The following HTRA2 variants were observed in gnomAD, a reference collection of about 807,000 sequenced individuals.
HTRA2 encodes serine protease HTRA2, mitochondrial.
Under a neutral mutation model 42.2 loss-of-function variants are expected in HTRA2, and 24 were observed. The observed-to-expected ratio is 0.57, with a 90% CI of 0.41 to 0.80. The LOEUF (loss-of-function observed/expected upper bound fraction) is 0.80. HTRA2 is among the 30% of genes least tolerant of loss of function. HTRA2 has a pLI of 0.00. For missense variants in HTRA2, 466 were observed against 613.5 expected, an observed-to-expected ratio of 0.76 and a Z score of 2.54; for synonymous variants, 245 against 255.8, an observed-to-expected ratio of 0.96 and a Z score of 0.40.
rs199735424 is a variant in HTRA2 at position 74,530,360 on chromosome 2, G to C, written c.354G>C (p.Leu118=). ...CGCTGGGCGCTGGGGGGGCAGTGCTGTTGTTGTTGTGGGGCGGGGGTCGGG... is the reference window on the plus strand; with the variant it reads ...CGCTGGGCGCTGGGGGGGCAGTGCTCTTGTTGTTGTGGGGCGGGGGTCGGG... The part of the protein sequence containing the change: ...AVALGAGGAV[L]LLLWGGGRGP... The change falls in exon 1 of 8, where the codon CTG becomes CTC. Residue 118 remains leucine, a synonymous_variant. Coordinates refer to ENST00000258080, the MANE Select transcript of HTRA2 (RefSeq NM_013247.5). The surrounding 1 kb of genome is among the most constrained non-coding windows in gnomAD (Gnocchi z 7.4). 2 of 1,592,392 alleles carry C rather than the reference G, an allele frequency of 1.3e-6. No homozygotes were observed. Among genetic ancestry groups the C allele is most frequent in the East Asian group, 2.3e-5 (1 of 43,880 alleles).
At position 74,529,963 on chromosome 2, in the gene HTRA2, C is replaced by A; in HGVS notation, c.-44C>A. ...GTCCGCCTGCTCGCGTCCTGGGTGC[C>A]GCCTCTGAGTAGGGCGGGCGAGGAG... On this transcript the variant is annotated 5_prime_UTR_variant, in exon 1 of 8. Transcript: ENST00000258080. 6.7e-7 allele frequency: 1 copy of A among 1,501,372 alleles called. No individual in the cohort carries two copies. 93.0% of individuals were successfully genotyped at this position (1,501,372 alleles called of 1,614,324 possible).
chr2:74,532,744 G>T lies in HTRA2; in HGVS notation c.1211+30G>T, dbSNP rs746823532. On this transcript the variant is annotated intron_variant, in intron 7 of 7. Coordinates refer to ENST00000258080, the MANE Select transcript of HTRA2 (RefSeq NM_013247.5). ...GGGAGAGGCTGCAGTGTGATATGGG[G>T]ATGGGCAAGGTGTGCATGTGTCCTT... 6 of 1,612,474 alleles carry T rather than the reference G, an allele frequency of 3.7e-6. No homozygotes were observed. The Admixed American group carries it at 1.0e-4, about 27-fold the overall frequency.
At chr2:74,529,637 G>A (rs1024688986), upstream of HTRA2, 1 of 1,559,376 alleles carries the variant, frequency 6.4e-7, no homozygotes, top group Non-Finnish European at 8.7e-7. Context: ...CATAACTGCT[G>A]CTTCAGGAGC....
At chr2:74,529,465 G>C (rs755468782), upstream of HTRA2, 1 of 1,561,030 alleles carries the variant, frequency 6.4e-7, no homozygotes, top group East Asian at 2.4e-5. Context: ...GCGTAGAGCA[G>C]CAGCACGAGC....
intron 4 of HTRA2, 94 bp from the exon 5 acceptor site, chr2:74,531,503 C>G (rs939387956): frequency 3.0e-5 from 49 of 1,609,984 alleles, no homozygotes; most frequent in Non-Finnish European, 4.2e-5. Flanking sequence ...AATATCCAAC[C>G]AGATCTCCCC....
At chr2:74,529,566 G>A, upstream of HTRA2, 1 of 1,557,450 alleles carries the variant, frequency 6.4e-7, no homozygotes, top group Non-Finnish European at 8.7e-7. Context: ...GTCTCTTCCC[G>A]CCGGGTCTCT....
In HTRA2 at chr2:74,529,962, C is replaced by T. The variant is rs1675463854; in HGVS notation, c.-45C>T. On this transcript the variant is annotated 5_prime_UTR_variant, in exon 1 of 8. Coordinates refer to ENST00000258080, the MANE Select transcript of HTRA2 (RefSeq NM_013247.5). ...TGTCCGCCTGCTCGCGTCCTGGGTG[C>T]CGCCTCTGAGTAGGGCGGGCGAGGA... 1 of 1,500,728 alleles carries T rather than the reference C, an allele frequency of 6.7e-7. No individual in the cohort carries two copies. Among genetic ancestry groups the T allele is most frequent in the Non-Finnish European group, 8.9e-7 (1 of 1,129,136 alleles). 93.0% of individuals were successfully genotyped at this position (1,500,728 alleles called of 1,614,324 possible). A position where few individuals can be genotyped will look rare whatever the true frequency, so the allele number is the denominator to read the frequency against.
Position 74,533,054 on chromosome 2 carries a change from G to A in HTRA2, c.*69G>A. The A allele has an allele frequency of 6.7e-7, 1 of 1,501,912 alleles. No individual in the cohort carries two copies. Among genetic ancestry groups the A allele is most frequent in the Non-Finnish European group, 9.2e-7 (1 of 1,086,072 alleles). 93.0% of individuals were successfully genotyped at this position (1,501,912 alleles called of 1,614,324 possible). ...TGCCTTTCTGGCTGAGGTTCTGAGG[G>A]CACCGAGACAGAGGGTTAAATGAAC... On this transcript the variant is annotated 3_prime_UTR_variant, in exon 8 of 8. Transcript: ENST00000258080.
Position 74,532,721 on chromosome 2 carries a change from G to C in HTRA2, c.1211+7G>C. On this transcript the variant is annotated splice_region_variant and intron_variant, in intron 7 of 7. Coordinates refer to ENST00000258080, the MANE Select transcript of HTRA2 (RefSeq NM_013247.5). ...TGGGCTCCCCTGCACACCGGTGAGG[G>C]AGAGGCTGCAGTGTGATATGGGGAT... 1 of 1,613,384 alleles carries C rather than the reference G, an allele frequency of 6.2e-7. No homozygotes were observed. Among genetic ancestry groups the C allele is most frequent in the Non-Finnish European group, 8.5e-7 (1 of 1,179,464 alleles).
At chr2:74,529,409 G>A (rs71640291), upstream of HTRA2, 85 of 1,598,874 alleles carry the variant, frequency 5.3e-5, no homozygotes, top group Non-Finnish European at 7.1e-5. Context: ...GGAAGACGTG[G>A]ATCCCGAGAA....
chr2:74,530,320 C>T lies in HTRA2; in HGVS notation c.314C>T (p.Ala105Val), dbSNP rs562467968. Residue 105 changes from alanine (A) to valine (V), a missense_variant, in exon 1 of 8, where the codon GCG (alanine) becomes GTG (valine). Physicochemically the swap from Ala to Val is moderately conservative, Grantham distance 64 (BLOSUM62 0). Around this residue, in one of 3 missense-constraint regions of HTRA2, gnomAD observed 222 missense variants for 205.1 expected, o/e 1.08. Coordinates refer to ENST00000258080, the MANE Select transcript of HTRA2 (RefSeq NM_013247.5). This position sits in a 1 kb window ranked among gnomAD's most constrained non-coding sequence, Gnocchi z 7.4. ...GAGAACTCTGGAACCCGTTCGCGCG[C>T]GTGGCTGGCGGTGGCGCTGGGCGCT... ...ASENSGTRSR[A>V]WLAVALGAGG... The T allele has an allele frequency of 1.3e-6, 2 of 1,596,208 alleles. No homozygotes were observed. Among genetic ancestry groups the T allele is most frequent in the South Asian group, 1.1e-5 (1 of 89,884 alleles).
intron 3 of HTRA2, 103 bp downstream of exon 3, chr2:74,531,208 T>C: frequency 6.5e-7 from 1 of 1,548,128 alleles, no homozygotes; most frequent in Non-Finnish European, 8.9e-7. Context: ...ATATAGAGCT[T>C]AGGCTGCAAA....
At position 74,530,331 on chromosome 2, in the gene HTRA2, G is replaced by C. The variant is rs1172666570; in HGVS notation, c.325G>C (p.Val109Leu). 1 of 1,594,600 alleles carries C rather than the reference G, an allele frequency of 6.3e-7. No homozygotes were observed. Among genetic ancestry groups the C allele is most frequent in the Non-Finnish European group, 8.6e-7 (1 of 1,168,668 alleles). Reference protein sequence around the residue: ...SGTRSRAWLAVALGAGGAVLL... With the variant: ...SGTRSRAWLALALGAGGAVLL... ...AACCCGTTCGCGCGCGTGGCTGGCG[G>C]TGGCGCTGGGCGCTGGGGGGGCAGT... The change falls in exon 1 of 8, where the codon GTG becomes CTG. Residue 109 changes from valine (V) to leucine (L), a missense_variant. Coordinates refer to ENST00000258080, the MANE Select transcript of HTRA2 (RefSeq NM_013247.5). This position sits in a 1 kb window ranked among gnomAD's most constrained non-coding sequence, Gnocchi z 7.4.
chr2:74,531,302 C>T (rs374020540), intron 3 of HTRA2, 37 bp from the exon 4 acceptor site: 46 of 1,611,292 alleles, frequency 2.9e-5, no homozygotes, highest in Non-Finnish European at 3.1e-5. Flanking sequence ...GACTTAGAAT[C>T]CCCAGATCTC....
At position 74,531,607 on chromosome 2, in the gene HTRA2, T is replaced by C. The variant is rs764045544; in HGVS notation, c.950T>C (p.Val317Ala). ...GCTGTATCCCTGCAGGATGGGGAGG[T>C]GATTGGAGTGAACACCATGAAGGTC... ...GGPLVNLDGE[V>A]IGVNTMKVTA... Residue 317 changes from valine (V) to alanine (A), a missense_variant, in exon 5 of 8, where the codon GTG (valine) becomes GCG (alanine). Coordinates refer to ENST00000258080, the MANE Select transcript of HTRA2 (RefSeq NM_013247.5). 20 of 1,613,548 alleles carry C rather than the reference T, an allele frequency of 1.2e-5. No individual in the cohort carries two copies. The highest frequency in any genetic ancestry group is 1.6e-4 in the Middle Eastern group (1 of 6,084).
chr2:74,532,291 C>A, intron 6 of HTRA2: 1 of 476,688 alleles, frequency 2.1e-6, no homozygotes, highest in Non-Finnish European at 3.8e-6. Context: ...TTATGCTGTT[C>A]TTGTTTTATA....
chr2:74,529,840 C>A, upstream of HTRA2: 1 of 1,422,776 alleles, frequency 7.0e-7, no homozygotes, highest in Non-Finnish European at 9.2e-7. Flanking sequence ...CCACAATTCC[C>A]GGCATTCGTG....
intron 6 of HTRA2, chr2:74,532,387 G>A: frequency 1.8e-6 from 1 of 563,498 alleles, no homozygotes; most frequent in South Asian, 1.9e-5. Flanking sequence ...TGACATTAGT[G>A]CTATTGATTT....
intron 6 of HTRA2, 63 bp from the exon 7 acceptor site, chr2:74,532,556 G>A: frequency 7.8e-7 from 1 of 1,275,836 alleles, no homozygotes; most frequent in Non-Finnish European, 1.1e-6. Flanking sequence ...AGAGACTTGA[G>A]GTGGAACTCA....
Sources: gnomAD v4.1 joint callset for allele counts on GRCh38, gnomAD v4.1.1 for gene constraint, gnomAD v4.1.1 regional missense constraint, Gnocchi (gnomAD v3.1) non-coding constraint, MANE v1.5 for transcripts, NCBI Gene and HGNC (gene_info 2026-07-23, HGNC 2026-07-21) for gene names.